Variants in YY1 observed in about 807,000 individuals in gnomAD.
YY1 encodes the protein YY1 transcription factor, also known as transcriptional repressor protein YY1.
YY1 carries 2 observed loss-of-function variants against 35.6 expected under a neutral mutation model. The ratio of observed to expected loss-of-function variants is 0.06; its 90% CI spans 0.02 to 0.18. The LOEUF (loss-of-function observed/expected upper bound fraction) is 0.18. Ranked by LOEUF, YY1 falls within the 10% of genes least tolerant of loss-of-function variation. YY1 has a pLI of 1.00. For synonymous variants in YY1, 268 were observed against 238.9 expected (o/e 1.12, Z -1.12); for missense variants, 322 against 573.4 (o/e 0.56, Z 4.48).
At chr14:100,260,178 G>A (rs1388362989) in intron 1 of YY1, among the ~76,000 whole-genome samples, 2 of 152,044 alleles carry the variant, frequency 1.3e-5, no homozygotes, top group Non-Finnish European at 2.9e-5. Flanking sequence ...CCGGGTTTAA[G>A]CAATTCTCTT....
chr14:100,272,712 G>C lies in YY1; in HGVS notation c.843-1986G>C, dbSNP rs1891259924. Among the ~76,000 whole-genome samples, 2 of 151,766 alleles carry C rather than the reference G, an allele frequency of 1.3e-5. 1 individual carries two copies. Among genetic ancestry groups the C allele is most frequent in the South Asian group, 4.1e-4 (2 of 4,820 alleles). ...TGTATAAGTGGTTTTTGGTTACATG[G>C]ATGAATTCTATATTGATGAATTCTG... is the stretch of plus-strand genomic sequence containing the variant. On this transcript the variant is annotated intron_variant, in intron 2 of 4. Transcript: ENST00000262238.
chr14:100,241,182 T>A (rs1235074331), intron 1 of YY1, among the ~76,000 whole-genome samples: 1 of 152,216 alleles, frequency 6.6e-6, no homozygotes, highest in Non-Finnish European at 1.5e-5. Context: ...CTGAGAATAA[T>A]CCTGCCATCG....
intron 1 of YY1, among the ~76,000 whole-genome samples, chr14:100,249,764 GTT>G (rs1216620564): frequency 6.7e-5 from 9 of 135,112 alleles, no homozygotes; most frequent in Non-Finnish European, 1.3e-4. Context: ...TTTTTTGTTT[GTT>G]TTTGTTTTTG....
intron 1 of YY1, 130 bp from the exon 2 acceptor site, chr14:100,262,174 A>G (rs973014222): frequency 5.8e-5 from 52 of 894,826 alleles, no homozygotes; most frequent in Admixed American, 4.2e-4. Context: ...AAAAAAAAAA[A>G]GGGAGAGGGG....
intron 1 of YY1, among the ~76,000 whole-genome samples, chr14:100,252,614 AC>A (rs149000157): frequency 5.3e-5 from 8 of 152,002 alleles, no homozygotes; most frequent in Non-Finnish European, 7.4e-5. Flanking sequence ...ACATCACCTT[AC>A]CCCCTTTGAA....
In YY1 at chr14:100,239,550, G is replaced by A. The variant is rs1166383910; in HGVS notation, c.306G>A (p.Glu102=). ...CGACCCAGGTGCACCACCACCAGGA[G>A]GTGATCCTGGTGCAGACGCGCGAGG... ...DDPTQVHHHQ[E]VILVQTREEV... Residue 102 remains glutamate (E), a synonymous_variant, in exon 1 of 5, where the codon GAG becomes GAA. Coordinates refer to ENST00000262238, the MANE Select transcript of YY1 (RefSeq NM_003403.5). 1.9e-6 allele frequency: 3 copies of A among 1,612,520 alleles called. No homozygotes were observed. The Admixed American group carries it at 5.0e-5, about 27-fold the overall frequency.
chr14:100,251,063 G>A (rs1416915161), intron 1 of YY1, among the ~76,000 whole-genome samples: 1 of 152,020 alleles, frequency 6.6e-6, no homozygotes, highest in Non-Finnish European at 1.5e-5. Flanking sequence ...TGACTAACTG[G>A]TTGACTGGTT....
chr14:100,240,105 G>A (rs1890706553), intron 1 of YY1, among the ~76,000 whole-genome samples, 182 bp downstream of exon 1: 1 of 146,238 alleles, frequency 6.8e-6, no homozygotes, highest in South Asian at 2.1e-4. Flanking sequence ...CGCGAAGATG[G>A]CGGCAGGCCG....
At chr14:100,267,706 TA>T (rs1891175658) in intron 2 of YY1, among the ~76,000 whole-genome samples, 1 of 152,270 alleles carries the variant, frequency 6.6e-6, no homozygotes, top group African/African-American at 2.4e-5. Flanking sequence ...GTATTTTTAG[TA>T]GAGACAGGGT....
Position 100,281,215 on chromosome 14 carries a change from CTTTAATTA to C in YY1, c.*3626_*3633del, listed in dbSNP as rs1209384321. On this transcript the variant is annotated 3_prime_UTR_variant, in exon 5 of 5. Transcript: ENST00000262238. Reference sequence around the variant, plus strand: ...GGCTTGGGAAATTCATGTTGTTGATCTTTAATTATTTAATTATTCTTTAATAATCCTTC... The same window carrying C: ...GGCTTGGGAAATTCATGTTGTTGATCTTTAATTATTCTTTAATAATCCTTC... 4.0e-5 allele frequency: 6 copies of C among 151,130 alleles called. No homozygotes were observed. The highest frequency in any genetic ancestry group is 3.2e-3 in the Middle Eastern group (1 of 314). 9.4% of individuals were successfully genotyped at this position (151,130 alleles called of 1,614,324 possible). A position where few individuals can be genotyped will look rare whatever the true frequency, so the allele number is the denominator to read the frequency against.
chr14:100,277,501 C>T lies in YY1; in HGVS notation c.1146C>T (p.Pro382=). 14 of 1,614,168 alleles carry T rather than the reference C, an allele frequency of 8.7e-6. No individual in the cohort carries two copies. Among genetic ancestry groups the T allele is most frequent in the Non-Finnish European group, 1.2e-5 (14 of 1,180,042 alleles). The change falls in exon 5 of 5, where the codon CCC becomes CCT. Residue 382 remains proline, a synonymous_variant. Transcript: ENST00000262238. This position sits in a 1 kb window ranked among gnomAD's most constrained non-coding sequence, Gnocchi z 5.6. ...THVRIHTGDR[P]YVCPFDGCNK... is the part of the protein sequence containing the mutation. The stretch of plus-strand genomic sequence containing the variant: ...TGCGAATCCATACCGGAGACAGGCC[C>T]TATGTGTGCCCCTTCGATGGTTGTA...
intron 1 of YY1, among the ~76,000 whole-genome samples, chr14:100,257,614 G>T (rs1384245785): frequency 6.6e-6 from 1 of 150,686 alleles, no homozygotes; most frequent in Non-Finnish European, 1.5e-5. Context: ...TTCTCTCTAT[G>T]CTATGTGACA....
At chr14:100,240,748 C>T (rs1890725461) in intron 1 of YY1, among the ~76,000 whole-genome samples, 1 of 152,188 alleles carries the variant, frequency 6.6e-6, no homozygotes, top group Admixed American at 6.5e-5. Context: ...GTGGAAAGGG[C>T]CTGTGAATGT....
At position 100,279,461 on chromosome 14, in the gene YY1, G is replaced by C. The variant is rs1891378666; in HGVS notation, c.*1861G>C. The C allele has an allele frequency of 6.6e-6, 1 of 152,148 alleles. No homozygotes were observed. The highest frequency in any genetic ancestry group is 2.4e-5 in the African/African-American group (1 of 41,420). 9.4% of individuals were successfully genotyped at this position (152,148 alleles called of 1,614,324 possible). A position where few individuals can be genotyped will look rare whatever the true frequency, so the allele number is the denominator to read the frequency against. ...GAATCATGAATGAAACATTTAACTT[G>C]AGACCCTTTAAAAAATTCATCCAGA... On this transcript the variant is annotated 3_prime_UTR_variant, in exon 5 of 5. Coordinates refer to ENST00000262238, the MANE Select transcript of YY1 (RefSeq NM_003403.5).
At chr14:100,244,602 AGGCAG>A (rs1475804813) in intron 1 of YY1, among the ~76,000 whole-genome samples, 1 of 119,304 alleles carries the variant, frequency 8.4e-6, no homozygotes, top group African/African-American at 3.1e-5. Context: ...TTTTTTTTTG[AGGCAG>A]GGTCTCATTC....
intron 1 of YY1, 39 bp downstream of exon 1, chr14:100,239,962 TG>T: frequency 6.6e-7 from 1 of 1,505,040 alleles, no homozygotes; most frequent in Non-Finnish European, 8.8e-7. Context: ...GGGATGTTTT[TG>T]TTTTGAAGGG....
chr14:100,274,651 C>A, intron 2 of YY1, 47 bp from the exon 3 acceptor site: 1 of 1,540,128 alleles, frequency 6.5e-7, no homozygotes, highest in South Asian at 1.1e-5. Flanking sequence ...CCAGTTGAGT[C>A]TACCCACTCC....
rs1201003636 is a variant in YY1, at chr14:100,250,779, T to C, written c.679+10856T>C. Among the ~76,000 whole-genome samples the C allele has an allele frequency of 2.0e-5, 3 of 150,776 alleles. No individual in the cohort carries two copies. The East Asian group carries it at 5.8e-4, about 29-fold the overall frequency. On this transcript the variant is annotated intron_variant, in intron 1 of 4. Coordinates refer to ENST00000262238, the MANE Select transcript of YY1 (RefSeq NM_003403.5). ...TTTTGGAGACTGAGGTGGGAGGATCTGAGGCCAGGAGTTTGAGACCAACCT... is the reference window on the plus strand; with the variant it reads ...TTTTGGAGACTGAGGTGGGAGGATCCGAGGCCAGGAGTTTGAGACCAACCT...
At chr14:100,273,729 A>G (rs1009772642) in intron 2 of YY1, among the ~76,000 whole-genome samples, 4 of 152,132 alleles carry the variant, frequency 2.6e-5, no homozygotes, top group Non-Finnish European at 5.9e-5. Context: ...ACTAGGGACA[A>G]AAAGAAAATC....
Sources: allele counts gnomAD v4.1 joint callset (sites outside exome capture counted in the v4.1 genomes callset), GRCh38; gene constraint gnomAD v4.1.1; non-coding constraint Gnocchi (gnomAD v3.1); transcripts MANE v1.5; gene names NCBI Gene and HGNC (gene_info 2026-07-23, HGNC 2026-07-21).